SCMH1: variants seen among roughly 807,000 people sequenced by gnomAD.
SCMH1 encodes the protein Scm polycomb group protein homolog 1.
A neutral mutation model predicts 70.8 loss-of-function variants in SCMH1; 37 were observed. The observed-to-expected ratio is 0.52, with a 90% CI of 0.40 to 0.69. The LOEUF is 0.69. Ranked by LOEUF, SCMH1 falls within the 30% of genes least tolerant of loss-of-function variation. SCMH1 has a pLI of 0.00. For synonymous variants in SCMH1, 292 were observed against 307.4 expected (o/e 0.95, Z 0.52); for missense variants, 607 against 827.3 (o/e 0.73, Z 3.27).
chr1:41,150,873 C>T (rs1288024051), intron 5 of SCMH1, among the ~76,000 whole-genome samples: 2 of 131,962 alleles, frequency 1.5e-5, no homozygotes, highest in African/African-American at 5.8e-5. Flanking sequence ...GGAGGCGGAG[C>T]TTGCATTAAG....
At chr1:41,063,290 A>G (rs1653415891) in intron 10 of SCMH1, among the ~76,000 whole-genome samples, 1 of 151,932 alleles carries the variant, frequency 6.6e-6, no homozygotes, top group African/African-American at 2.4e-5. Context: ...TGGCCAACAC[A>G]GTGAAACCGC....
chr1:41,107,252 T>C (rs1668180111), intron 8 of SCMH1, among the ~76,000 whole-genome samples: 1 of 151,866 alleles, frequency 6.6e-6, no homozygotes, highest in African/African-American at 2.4e-5. Context: ...GTCCCCTCAA[T>C]CTAGGTTGGG....
chr1:41,055,298 A>G (rs1054306781), intron 10 of SCMH1, among the ~76,000 whole-genome samples: 1 of 152,186 alleles, frequency 6.6e-6, no homozygotes, highest in Admixed American at 6.5e-5. Context: ...ACTCCCAGAA[A>G]GTAATACTGG....
At chr1:41,195,828 C>T (rs529624427) in intron 1 of SCMH1, among the ~76,000 whole-genome samples, 1 of 152,202 alleles carries the variant, frequency 6.6e-6, no homozygotes, top group South Asian at 2.1e-4. Context: ...ACAGATCCCA[C>T]AAAAAAGCTA....
chr1:41,238,902 A>G (rs754343697), intron 1 of SCMH1, among the ~76,000 whole-genome samples: 4 of 152,184 alleles, frequency 2.6e-5, no homozygotes, highest in Admixed American at 6.5e-5. Context: ...TTCCTGTCTC[A>G]GTTAAAATTA....
At chr1:41,044,771 A>T (rs1352213722) in intron 12 of SCMH1, among the ~76,000 whole-genome samples, 2 of 152,058 alleles carry the variant, frequency 1.3e-5, no homozygotes, top group Non-Finnish European at 2.9e-5. Flanking sequence ...GCTTCCTCTT[A>T]TCTAGTGGCT....
At chr1:41,080,435 C>A (rs912963806) in intron 8 of SCMH1, among the ~76,000 whole-genome samples, 2 of 151,876 alleles carry the variant, frequency 1.3e-5, no homozygotes, top group African/African-American at 4.8e-5. Flanking sequence ...GAAAAAAAAA[C>A]TATAGACTAA....
chr1:41,135,439 T>G lies in SCMH1; in HGVS notation c.412+7439A>C, dbSNP rs181217433. Among the ~76,000 whole-genome samples the G allele has an allele frequency of 7.2e-4, 109 of 152,256 alleles. 1 individual carries two copies. Among genetic ancestry groups the G allele is most frequent in the Non-Finnish European group, 1.2e-3 (83 of 68,020 alleles). Reference sequence around the variant, plus strand: ...TGATAATGAGTAAGTTCTCACAAGATCTGATGGTTTTATAAGGGGCTTCCC... The same window carrying G: ...TGATAATGAGTAAGTTCTCACAAGAGCTGATGGTTTTATAAGGGGCTTCCC... On this transcript the variant is annotated intron_variant, in intron 6 of 14. Coordinates refer to ENST00000337495, the Ensembl canonical transcript of SCMH1.
chr1:41,075,344 G>A lies in SCMH1; in HGVS notation c.853C>T (p.Arg285Cys), dbSNP rs769479657. ...CGGCCCCGCTTCTTTCCTGGTTTAC[G>A]CCCCCTCTGCCCTGGTTGATGTTCC... The change falls in exon 9 of 15, where the codon CGT (arginine) becomes TGT (cysteine). Residue 285 changes from arginine to cysteine, a missense_variant. Physicochemically the swap from Arg to Cys is radical, Grantham distance 180. Transcript: ENST00000337495. The A allele has an allele frequency of 8.7e-6, 14 of 1,613,932 alleles. No homozygotes were observed. In the African/African-American group the frequency reaches 9.3e-5, roughly 11 times the overall value.
At chr1:41,168,637 T>G (rs1158260477) in intron 2 of SCMH1, among the ~76,000 whole-genome samples, 1 of 150,850 alleles carries the variant, frequency 6.6e-6, no homozygotes, top group Non-Finnish European at 1.5e-5. Flanking sequence ...TTTGTCTTTT[T>G]TTTTTTTTTT....
intron 2 of SCMH1, 118 bp from the exon 3 acceptor site, chr1:41,161,550 C>A: frequency 8.6e-7 from 1 of 1,163,004 alleles, no homozygotes; most frequent in Non-Finnish European, 1.1e-6. Flanking sequence ...AGATTCTATG[C>A]TAAGGAAAAA....
intron 6 of SCMH1, among the ~76,000 whole-genome samples, chr1:41,128,595 G>A (rs533963923): frequency 3.9e-5 from 6 of 151,960 alleles, no homozygotes; most frequent in African/African-American, 7.3e-5. Context: ...TCTCTTTATC[G>A]TGGGTTTTCA....
At chr1:41,080,192 A>G (rs545090501) in intron 8 of SCMH1, among the ~76,000 whole-genome samples, 27 of 152,204 alleles carry the variant, frequency 1.8e-4, no homozygotes, top group Non-Finnish European at 4.0e-4. Context: ...AAAAAACAGA[A>G]TATGAAGAGC....
At chr1:41,085,996 A>C (rs1439215256) in intron 8 of SCMH1, among the ~76,000 whole-genome samples, 1 of 151,836 alleles carries the variant, frequency 6.6e-6, no homozygotes, top group Non-Finnish European at 1.5e-5. Flanking sequence ...ACCCACCGCC[A>C]CGCCCAGCTA....
chr1:41,207,865 T>C (rs1185606501), intron 1 of SCMH1, among the ~76,000 whole-genome samples: 2 of 151,146 alleles, frequency 1.3e-5, no homozygotes, highest in Admixed American at 1.3e-4. Context: ...GAAGTCAGTG[T>C]GGCGATTCCT....
chr1:41,175,071 G>A (rs190207819), intron 2 of SCMH1, among the ~76,000 whole-genome samples: 2 of 152,202 alleles, frequency 1.3e-5, no homozygotes, highest in African/African-American at 4.8e-5. Context: ...CAACTTAACT[G>A]GGCTAAGGGA....
At chr1:41,053,582 A>C (rs1399991863) in intron 10 of SCMH1, among the ~76,000 whole-genome samples, 1 of 152,228 alleles carries the variant, frequency 6.6e-6, no homozygotes, top group Non-Finnish European at 1.5e-5. Context: ...CATGCAACAG[A>C]GACAAGCTGT....
chr1:41,047,083 C>T (rs2148685596), intron 11 of SCMH1, among the ~76,000 whole-genome samples: 1 of 152,250 alleles, frequency 6.6e-6, no homozygotes, highest in East Asian at 1.9e-4. Context: ...CTGTTTCATG[C>T]TTGGTGTTAG....
At chr1:41,229,305 G>C (rs1415114055) in intron 1 of SCMH1, among the ~76,000 whole-genome samples, 1 of 152,148 alleles carries the variant, frequency 6.6e-6, no homozygotes, top group Non-Finnish European at 1.5e-5. Flanking sequence ...TGGCAATGCG[G>C]CACTATTCAC....
Sources: gnomAD v4.1 joint callset for allele counts (sites outside exome capture counted in the v4.1 genomes callset) on GRCh38, gnomAD v4.1.1 for gene constraint, MANE v1.5 for transcripts, NCBI Gene and HGNC (gene_info 2026-07-23, HGNC 2026-07-21) for gene names.